The following LRRC37A variants were observed in gnomAD, a reference collection of about 807,000 sequenced individuals.
The protein encoded by LRRC37A is leucine-rich repeat-containing protein 37A.
A neutral mutation model predicts 35.4 loss-of-function variants in LRRC37A; 3 were observed. That is an observed-to-expected ratio of 0.08 (90% CI 0.04 to 0.22). The LOEUF (loss-of-function observed/expected upper bound fraction) is 0.22, where lower values mean the gene tolerates loss of function less well. Ranked by LOEUF, LRRC37A falls within the 10% of genes least tolerant of loss-of-function variation. The pLI is 1.00. For missense variants in LRRC37A, 67 were observed against 565.3 expected (o/e 0.12, Z 8.94); for synonymous variants, 23 against 215.0 (o/e 0.11, Z 7.81).
At chr17:46,317,171 C>G (rs1409337832) in intron 5 of LRRC37A, among the ~76,000 whole-genome samples, 1 of 88,512 alleles carries the variant, frequency 1.1e-5, no homozygotes. Flanking sequence ...GCGCTCCTCA[C>G]ATCCCAGACG....
At position 46,323,460 on chromosome 17, in the gene LRRC37A, G is replaced by A. The variant is rs1366687437; in HGVS notation, c.3053+433G>A. On this transcript the variant is annotated intron_variant, in intron 7 of 13. Coordinates refer to ENST00000320254, the Ensembl canonical transcript of LRRC37A. ...CGCCCAGGCTGCAGTGCAGCGGCATGACCTAGGCTCACTGCAACCTCCACC... is the reference window on the plus strand; with the variant it reads ...CGCCCAGGCTGCAGTGCAGCGGCATAACCTAGGCTCACTGCAACCTCCACC... Among the ~76,000 whole-genome samples, 3 of 98,628 alleles carry A rather than the reference G, an allele frequency of 3.0e-5. 1 individual carries two copies. In the Admixed American group the frequency reaches 3.1e-4, roughly 10 times the overall value. The allele number at this position is 98,628 out of a possible 152,430, so 64.7% of individuals were successfully genotyped here.
chr17:46,283,978 C>T, the LRRC37A span, among the ~76,000 whole-genome samples: 6,055 of 127,104 alleles, frequency 0.048, no homozygotes, highest in Non-Finnish European at 0.078. Flanking sequence ...TATGGCTGCC[C>T]GCGTGTCCCA....
At chr17:46,257,052 G>A in the LRRC37A span, among the ~76,000 whole-genome samples, 1 of 152,210 alleles carries the variant, frequency 6.6e-6, no homozygotes, top group African/African-American at 2.4e-5. Flanking sequence ...GTAATTATTA[G>A]CTGTATAACC....
intron 7 of LRRC37A, among the ~76,000 whole-genome samples, chr17:46,327,781 A>G (rs2144033012): frequency 9.6e-5 from 1 of 10,438 alleles, no homozygotes; most frequent in African/African-American, 1.4e-4. Flanking sequence ...CATTCCTTCT[A>G]CATTTACTAG....
the LRRC37A span, among the ~76,000 whole-genome samples, chr17:46,249,739 T>C: frequency 1.3e-5 from 2 of 152,190 alleles, no homozygotes; most frequent in African/African-American, 4.8e-5. Context: ...CCAGAGCCCC[T>C]GAAATAGCAA....
upstream of LRRC37A, among the ~76,000 whole-genome samples, chr17:46,291,446 G>C (rs1454531433): frequency 6.6e-6 from 1 of 152,106 alleles, no homozygotes; most frequent in Non-Finnish European, 1.5e-5. Flanking sequence ...CTAACAGTAA[G>C]AGTTTCTCGG....
At chr17:46,274,131 C>T in the LRRC37A span, among the ~76,000 whole-genome samples, 2 of 152,222 alleles carry the variant, frequency 1.3e-5, no homozygotes, top group African/African-American at 4.8e-5. Context: ...CCTTGCAGCC[C>T]TCCCTCCCCA....
chr17:46,274,801 A>G, the LRRC37A span: 1 of 152,374 alleles, frequency 6.6e-6, no homozygotes, highest in Non-Finnish European at 1.5e-5. Flanking sequence ...TTTTTAATAA[A>G]CAAAATTTTC....
the LRRC37A span, among the ~76,000 whole-genome samples, chr17:46,270,636 C>T: frequency 6.6e-6 from 1 of 152,232 alleles, no homozygotes; most frequent in Non-Finnish European, 1.5e-5. Context: ...AGGCCGGGAG[C>T]TGTGACTCAC....
chr17:46,285,344 G>A, the LRRC37A span, among the ~76,000 whole-genome samples: 1 of 151,008 alleles, frequency 6.6e-6, no homozygotes, highest in African/African-American at 2.4e-5. Context: ...GTGTTCAAGC[G>A]ATTCTCCTGC....
chr17:46,264,067 A>T, the LRRC37A span, among the ~76,000 whole-genome samples: 1 of 152,024 alleles, frequency 6.6e-6, no homozygotes, highest in Admixed American at 6.6e-5. Context: ...AATACAATTC[A>T]TTGTAAGTAA....
chr17:46,291,893 G>T (rs1457271037), upstream of LRRC37A, among the ~76,000 whole-genome samples: 4 of 151,272 alleles, frequency 2.6e-5, no homozygotes, highest in Admixed American at 6.6e-5. Context: ...CTGGGTAGGG[G>T]GAGGCTGCGA....
the LRRC37A span, among the ~76,000 whole-genome samples, chr17:46,259,019 A>ATTTTTTTTTTTTTTTTTTTTTTTTTTT: frequency 1.3e-5 from 1 of 79,468 alleles, no homozygotes; most frequent in Non-Finnish European, 2.2e-5. Flanking sequence ...CACCCGGCCT[A>ATTTTTTTTTTTTTTTTTTTTTTTTTTT]TTTTTTTTTT....
chr17:46,260,704 A>ACCTCCG, the LRRC37A span: 1 of 992,982 alleles, frequency 1.0e-6, no homozygotes, highest in African/African-American at 1.8e-5. Context: ...GCTCACCGCA[A>ACCTCCG]CCTCCGCCTC....
At chr17:46,267,465 T>A in the LRRC37A span, 1 of 1,611,456 alleles carries the variant, frequency 6.2e-7, no homozygotes, top group South Asian at 1.1e-5. Flanking sequence ...CGAGTCCACA[T>A]GTTAGTCCTG....
the LRRC37A span, among the ~76,000 whole-genome samples, chr17:46,272,046 C>T: frequency 5.9e-4 from 90 of 152,372 alleles, no homozygotes; most frequent in Non-Finnish European, 2.2e-4. Context: ...AGGCGTGAGC[C>T]ACCATGCCCA....
chr17:46,334,899 G>A (rs1241975549), intron 10 of LRRC37A: 2 of 129,786 alleles, frequency 1.5e-5, no homozygotes, highest in Non-Finnish European at 1.7e-5. Context: ...TATAACAACT[G>A]TCAACAATGT....
At chr17:46,287,435 G>A in the LRRC37A span, among the ~76,000 whole-genome samples, 24 of 152,298 alleles carry the variant, frequency 1.6e-4, no homozygotes, top group Middle Eastern at 0.014. Flanking sequence ...AAAGCAAAGC[G>A]CAAACACCAA....
At chr17:46,313,010 G>A (rs1354126282) in intron 5 of LRRC37A, among the ~76,000 whole-genome samples, 10 of 111,326 alleles carry the variant, frequency 9.0e-5, no homozygotes, top group Admixed American at 2.9e-4. Flanking sequence ...TCTGGCACCT[G>A]GTGTTCTATA....
Sources: allele counts gnomAD v4.1 joint callset (sites outside exome capture counted in the v4.1 genomes callset), GRCh38; gene constraint gnomAD v4.1.1; transcripts MANE v1.5; gene names NCBI Gene and HGNC (gene_info 2026-07-23, HGNC 2026-07-21).